SCMH1: variants seen among roughly 807,000 people sequenced by gnomAD.
SCMH1 encodes the protein Scm polycomb group protein homolog 1, also known as polycomb protein SCMH1.
A neutral mutation model predicts 70.8 loss-of-function variants in SCMH1; 37 were observed. The observed-to-expected ratio is 0.52, with a 90% CI of 0.40 to 0.69. The LOEUF is 0.69. Ranked by LOEUF, SCMH1 falls within the 30% of genes least tolerant of loss-of-function variation. The probability of loss-of-function intolerance (pLI) is 0.00; values close to 1 mark genes in which losing one functional copy is unlikely to be tolerated. For synonymous variants in SCMH1, 292 were observed against 307.4 expected, an observed-to-expected ratio of 0.95 and a Z score of 0.52; for missense variants, 607 against 827.3, an observed-to-expected ratio of 0.73 and a Z score of 3.27.
At chr1:41,235,499 A>T (rs545329866) in intron 1 of SCMH1, among the ~76,000 whole-genome samples, 1 of 148,016 alleles carries the variant, frequency 6.8e-6, no homozygotes, top group South Asian at 2.2e-4. Context: ...TGAACCCAGG[A>T]AGTGCAGGTT....
At chr1:41,205,187 CTGGT>C (rs1333432349) in intron 1 of SCMH1, among the ~76,000 whole-genome samples, 2 of 152,130 alleles carry the variant, frequency 1.3e-5, no homozygotes, top group African/African-American at 2.4e-5. Context: ...CTCATTGGGA[CTGGT>C]TGGACAGTGG....
At chr1:41,227,967 C>G (rs1660586438) in intron 1 of SCMH1, among the ~76,000 whole-genome samples, 1 of 152,142 alleles carries the variant, frequency 6.6e-6, no homozygotes, top group Non-Finnish European at 1.5e-5. Flanking sequence ...GCCTGGTCGA[C>G]AGTGCAAGAC....
intron 10 of SCMH1, among the ~76,000 whole-genome samples, chr1:41,057,276 TG>T (rs779113166): frequency 6.6e-6 from 1 of 152,146 alleles, no homozygotes; most frequent in South Asian, 2.1e-4. Flanking sequence ...TTTGTTTGTT[TG>T]TTTTTTGAGA....
At chr1:41,184,648 C>A (rs1028254554) in intron 2 of SCMH1, among the ~76,000 whole-genome samples, 1 of 152,028 alleles carries the variant, frequency 6.6e-6, no homozygotes, top group Non-Finnish European at 1.5e-5. Flanking sequence ...TACAGGGAAG[C>A]AGATGTCAGA....
intron 10 of SCMH1, among the ~76,000 whole-genome samples, chr1:41,062,848 G>A (rs1479924322): frequency 6.6e-6 from 1 of 151,266 alleles, no homozygotes; most frequent in Non-Finnish European, 1.5e-5. Context: ...GAAGGTGGGA[G>A]GTGGAGGTTG....
intron 10 of SCMH1, among the ~76,000 whole-genome samples, chr1:41,070,203 G>T (rs1655999407): frequency 6.6e-6 from 1 of 151,102 alleles, no homozygotes; most frequent in South Asian, 2.1e-4. Context: ...ACCAAAGTTT[G>T]TCACCATCAA....
exon 9 of SCMH1, chr1:41,075,358 G>A (rs776010579): frequency 3.7e-6 from 6 of 1,614,126 alleles, no homozygotes; most frequent in Non-Finnish European, 4.2e-6. Flanking sequence ...CCTCTGCCCT[G>A]GTTGATGTTC....
At chr1:41,231,842 G>A (rs747506222) in intron 1 of SCMH1, among the ~76,000 whole-genome samples, 10 of 151,956 alleles carry the variant, frequency 6.6e-5, no homozygotes, top group Non-Finnish European at 1.3e-4. Context: ...CCAACATAGC[G>A]AAACTCGGTC....
chr1:41,198,225 C>T (rs2148706627), intron 1 of SCMH1, among the ~76,000 whole-genome samples: 1 of 152,308 alleles, frequency 6.6e-6, no homozygotes, highest in Non-Finnish European at 1.5e-5. Context: ...TTCTTTGTCT[C>T]TTGGCTCCAA....
At chr1:41,241,539 T>G (rs1297618469) in intron 1 of SCMH1, among the ~76,000 whole-genome samples, 1 of 151,930 alleles carries the variant, frequency 6.6e-6, no homozygotes, top group Non-Finnish European at 1.5e-5. Context: ...TGTCTCTGCC[T>G]TCCCCGAACC....
At chr1:41,082,625 C>T (rs1355286598) in intron 8 of SCMH1, among the ~76,000 whole-genome samples, 8 of 151,942 alleles carry the variant, frequency 5.3e-5, no homozygotes, top group Non-Finnish European at 8.8e-5. Context: ...CAAAAACATG[C>T]CAAACAGCAT....
At chr1:41,195,710 G>C (rs563850368) in intron 1 of SCMH1, among the ~76,000 whole-genome samples, 1 of 152,278 alleles carries the variant, frequency 6.6e-6, no homozygotes, top group South Asian at 2.1e-4. Context: ...GGAAGTTCTA[G>C]CTAAAGTAAT....
intron 8 of SCMH1, among the ~76,000 whole-genome samples, chr1:41,095,818 C>G (rs1023655270): frequency 6.6e-6 from 1 of 151,946 alleles, no homozygotes; most frequent in African/African-American, 2.4e-5. Flanking sequence ...TTTATCATAT[C>G]ATTATTAAAA....
chr1:41,217,585 G>A (rs1228698581), intron 1 of SCMH1, among the ~76,000 whole-genome samples: 1 of 152,194 alleles, frequency 6.6e-6, no homozygotes, highest in East Asian at 1.9e-4. Context: ...AAAGATATGT[G>A]GAGAACATTC....
chr1:41,088,356 C>G (rs1662348090), intron 8 of SCMH1, among the ~76,000 whole-genome samples: 1 of 152,116 alleles, frequency 6.6e-6, no homozygotes. Context: ...TGACTTTTGA[C>G]TCTTGGAAGC....
At chr1:41,066,657 T>A (rs903443367) in intron 10 of SCMH1, among the ~76,000 whole-genome samples, 1 of 152,146 alleles carries the variant, frequency 6.6e-6, no homozygotes, top group South Asian at 2.1e-4. Flanking sequence ...CACTGCAACC[T>A]CTGCCCTGCC....
intron 1 of SCMH1, among the ~76,000 whole-genome samples, chr1:41,205,882 G>A (rs543503657): frequency 3.9e-5 from 6 of 152,292 alleles, no homozygotes; most frequent in East Asian, 1.9e-4. Context: ...TGCAGCCTCC[G>A]CTGGTGATAC....
chr1:41,030,901 T>C (rs1376339368), intron 13 of SCMH1, among the ~76,000 whole-genome samples: 1 of 152,244 alleles, frequency 6.6e-6, no homozygotes, highest in Non-Finnish European at 1.5e-5. Flanking sequence ...AACCAGACTA[T>C]GTCTCTATTG....
intron 2 of SCMH1, among the ~76,000 whole-genome samples, chr1:41,168,794 T>C (rs560185754): frequency 6.6e-6 from 1 of 152,278 alleles, no homozygotes; most frequent in East Asian, 1.9e-4. Flanking sequence ...TAAGGTGCTC[T>C]CTAATCTCTG....
Sources: allele counts gnomAD v4.1 joint callset (sites outside exome capture counted in the v4.1 genomes callset), GRCh38; gene constraint gnomAD v4.1.1; transcripts MANE v1.5; gene names NCBI Gene and HGNC (gene_info 2026-07-23, HGNC 2026-07-21).